The following GPR179 variants were observed in gnomAD, a reference collection of about 807,000 sequenced individuals.
GPR179 encodes the protein G protein-coupled receptor 179.
Under a neutral mutation model 70.8 loss-of-function variants are expected in GPR179, and 52 were observed. The ratio of observed to expected loss-of-function variants is 0.73; its 90% confidence interval spans 0.59 to 0.93. The LOEUF is 0.93. GPR179 is among the 40% of genes least tolerant of loss of function. The pLI is 0.00. For missense variants in GPR179, 2,734 were observed against 2,966.8 expected (o/e 0.92, Z 1.82); for synonymous variants, 1,123 against 1,169.0 (o/e 0.96, Z 0.80).
intron 10 of GPR179, among the ~76,000 whole-genome samples, chr17:38,332,535 C>T (rs1157825555): frequency 6.6e-6 from 1 of 152,202 alleles, no homozygotes; most frequent in African/African-American, 2.4e-5. Context: ...CCTGAACTAC[C>T]CAGCCCCACA....
At position 38,328,262 on chromosome 17, in the gene GPR179, T is replaced by C. The variant is rs753822657; in HGVS notation, c.5307A>G (p.Pro1769=). The C allele has an allele frequency of 7.4e-6, 12 of 1,613,798 alleles. No individual in the cohort carries two copies. The highest frequency in any genetic ancestry group is 9.3e-6 in the Non-Finnish European group (11 of 1,180,036). Residue 1769 remains proline, a synonymous_variant, in exon 11 of 11, where the codon CCA becomes CCG. Coordinates refer to ENST00000616987, the MANE Select transcript of GPR179 (RefSeq NM_001004334.4). Reference sequence around the variant, plus strand: ...TACCTGGATGCTGAGAACAGGCCCCTGGACCCACACTCCCCCAGGGACAAG... The same window carrying C: ...TACCTGGATGCTGAGAACAGGCCCCCGGACCCACACTCCCCCAGGGACAAG... The part of the protein sequence containing the change: ...EVACPWGSVG[P]GACSQHPGTL...
chr17:38,327,652 C>G lies in GPR179; in HGVS notation c.5917G>C (p.Asp1973His), dbSNP rs1196659819. Residue 1973 changes from aspartate to histidine, a missense_variant, in exon 11 of 11, where the codon GAC becomes CAC. Asp to His is a moderately conservative substitution (Grantham distance 81, BLOSUM62 -1). Transcript: ENST00000616987. Reference protein sequence around the residue: ...TAPADSVSHLDRQRPDQPKAS... With the variant: ...TAPADSVSHLHRQRPDQPKAS... ...TTAGGTTGGTCAGGGCGCTGTCTGT[C>G]TAGGTGAGAGACGGAATCTGCTGGG... 6.2e-7 allele frequency: 1 copy of G among 1,614,218 alleles called. No homozygotes were observed. The highest frequency in any genetic ancestry group is 8.5e-7 in the Non-Finnish European group (1 of 1,180,040).
At position 38,334,645 on chromosome 17, in the gene GPR179, G is replaced by A; in HGVS notation, c.1784+59C>T. The A allele has an allele frequency of 6.4e-7, 1 of 1,572,806 alleles. No individual in the cohort carries two copies. Among genetic ancestry groups the A allele is most frequent in the Non-Finnish European group, 8.7e-7 (1 of 1,146,112 alleles). On this transcript the variant is annotated intron_variant, in intron 8 of 10. Transcript: ENST00000616987. The surrounding 1 kb of genome is among the most constrained non-coding windows in gnomAD (Gnocchi z 4.7). ...CATGGGATGGGGGCACCTCACCTGG[G>A]AGAGGTGAGGAGTACTGTTAGAGTG...
At position 38,331,516 on chromosome 17, in the gene GPR179, G is replaced by A; in HGVS notation, c.2053C>T (p.Leu685Phe). The stretch of plus-strand genomic sequence containing the variant: ...TTGTGGACCTCTAGCTGGGCATAGA[G>A]CTTCTTCAGCTCGTCCTGTGGGGCA... ...PGDIRDELKK[L>F]YAQLEVHKTK... Residue 685 changes from leucine (L) to phenylalanine (F), a missense_variant, in exon 11 of 11, where the codon CTC (leucine) becomes TTC (phenylalanine). Transcript: ENST00000616987. 1 of 1,606,306 alleles carries A rather than the reference G, an allele frequency of 6.2e-7. No homozygotes were observed.
Position 38,339,438 on chromosome 17 carries a change from C to G in GPR179, c.882G>C (p.Leu294=), listed in dbSNP as rs1217838411. The G allele has an allele frequency of 1.2e-6, 2 of 1,612,560 alleles. No homozygotes were observed. Among genetic ancestry groups the G allele is most frequent in the African/African-American group, 2.7e-5 (2 of 74,840 alleles). ...SGPGWYSNTH[L]CDLNSTQCVP... ...TTACCTGGGTGCTGTTGAGATCACACAGGTGTGTGTTAGAGTACCAGCCTG... is the reference window on the plus strand; with the variant it reads ...TTACCTGGGTGCTGTTGAGATCACAGAGGTGTGTGTTAGAGTACCAGCCTG... Residue 294 remains leucine, a synonymous_variant, in exon 2 of 11, where the codon CTG becomes CTC. Transcript: ENST00000616987.
Position 38,327,536 on chromosome 17 carries a change from G to C in GPR179, c.6033C>G (p.Asp2011Glu). ...DVPDAGVYKS[D>E]SSAKAETCPW... The stretch of plus-strand genomic sequence containing the variant: ...GACAGGTCTCAGCCTTGGCACTGCT[G>C]TCAGATTTATACACACCTGCATCAG... Residue 2011 changes from aspartate (D) to glutamate (E), a missense_variant, in exon 11 of 11, where the codon GAC (aspartate) becomes GAG (glutamate). Physicochemically the swap from Asp to Glu is conservative, Grantham distance 45. Transcript: ENST00000616987. The C allele has an allele frequency of 6.2e-7, 1 of 1,614,018 alleles. No homozygotes were observed. The highest frequency in any genetic ancestry group is 8.5e-7 in the Non-Finnish European group (1 of 1,179,996).
Position 38,333,961 on chromosome 17 carries a change from G to T in GPR179, c.1862C>A (p.Thr621Asn). Residue 621 changes from threonine to asparagine, a missense_variant, in exon 9 of 11, where the codon ACC becomes AAC. Thr to Asn is a moderately conservative substitution (Grantham distance 65). Transcript: ENST00000616987. ...FFFHTHSTVT[T>N]TLALIFIPKF... ...AGGGATGAAGATCAGAGCCAGCGTG[G>T]TGGTGACTGTGCTGTGGGTGTGGAA... 3.7e-6 allele frequency: 6 copies of T among 1,613,828 alleles called. No homozygotes were observed. Among genetic ancestry groups the T allele is most frequent in the Non-Finnish European group, 5.1e-6 (6 of 1,179,864 alleles).
At position 38,326,732 on chromosome 17, in the gene GPR179, G is replaced by C. The variant is rs1267157659; in HGVS notation, c.6837C>G (p.Val2279=). 6.2e-7 allele frequency: 1 copy of C among 1,614,102 alleles called. No homozygotes were observed. Among genetic ancestry groups the C allele is most frequent in the Non-Finnish European group, 8.5e-7 (1 of 1,180,042 alleles). Reference sequence around the variant, plus strand: ...GAAAGAAGTGATCCAGAGGCCCATGGACTAAAAGGCATAGTGGTTTTTCAG... The same window carrying C: ...GAAAGAAGTGATCCAGAGGCCCATGCACTAAAAGGCATAGTGGTTTTTCAG... ...TAPEKPLCLL[V]HGPLDHFFPE... The change falls in exon 11 of 11, where the codon GTC becomes GTG. Residue 2279 remains valine, a synonymous_variant. Transcript: ENST00000616987.
At position 38,334,570 on chromosome 17, in the gene GPR179, A is replaced by AG; in HGVS notation, c.1784+133dup. On this transcript the variant is annotated intron_variant, in intron 8 of 10. Coordinates refer to ENST00000616987, the MANE Select transcript of GPR179 (RefSeq NM_001004334.4). This position sits in a 1 kb window ranked among gnomAD's most constrained non-coding sequence, Gnocchi z 4.7. ...TCTGGGGGGTAGGGAGAGAGCCAGA[A>AG]GTGGGGGCCTTCGTCAACGTGCTGA... is the stretch of plus-strand genomic sequence containing the variant. 1 of 859,002 alleles carries AG rather than the reference A, an allele frequency of 1.2e-6. No homozygotes were observed. The highest frequency in any genetic ancestry group is 1.6e-5 in the South Asian group (1 of 62,364). The allele number at this position is 859,002 out of a possible 1,614,324, so 53.2% of individuals were successfully genotyped here.
At chr17:38,337,990 G>A (rs1737010229) in intron 2 of GPR179, among the ~76,000 whole-genome samples, 1 of 152,260 alleles carries the variant, frequency 6.6e-6, no homozygotes. Flanking sequence ...GGCAGTGACA[G>A]GAGCCTCATA....
At position 38,329,661 on chromosome 17, in the gene GPR179, A is replaced by T; in HGVS notation, c.3908T>A (p.Val1303Asp). 6.2e-7 allele frequency: 1 copy of T among 1,614,012 alleles called. No individual in the cohort carries two copies. The highest frequency in any genetic ancestry group is 8.5e-7 in the Non-Finnish European group (1 of 1,180,008). The change falls in exon 11 of 11, where the codon GTT (valine) becomes GAT (aspartate). Residue 1303 changes from valine to aspartate, a missense_variant. Transcript: ENST00000616987. Reference protein sequence around the residue: ...ARGKSEPIDVVPMMRKKPERL... With the variant: ...ARGKSEPIDVDPMMRKKPERL... ...CTCTGGCTTTTTCCGCATCATGGGA[A>T]CCACATCTATGGGCTCTGATTTTCC...
In GPR179 at chr17:38,329,781, T is replaced by G; in HGVS notation, c.3788A>C (p.Glu1263Ala). The G allele has an allele frequency of 6.2e-7, 1 of 1,614,206 alleles. No homozygotes were observed. Among genetic ancestry groups the G allele is most frequent in the African/African-American group, 1.3e-5 (1 of 75,042 alleles). Residue 1263 changes from glutamate to alanine, a missense_variant, in exon 11 of 11, where the codon GAA (glutamate) becomes GCA (alanine). Glu to Ala is a moderately radical substitution (Grantham distance 107). Transcript: ENST00000616987. ...TRQPDSGNKA[E>A]ICPWETSEGA... ...TTCACTCGTCTCCCAGGGGCAGATT[T>G]CGGCCTTGTTGCCACTGTCTGGCTG...
At position 38,330,640 on chromosome 17, in the gene GPR179, C is replaced by A; in HGVS notation, c.2929G>T (p.Ala977Ser). The change falls in exon 11 of 11, where the codon GCA becomes TCA. Residue 977 changes from alanine (A) to serine (S), a missense_variant. Coordinates refer to ENST00000616987, the MANE Select transcript of GPR179 (RefSeq NM_001004334.4). ...CTTTGTGGGGATACTGGGACTGGTGCCAGGGCAGGGGCTGGGGTTGGAGCT... is the reference window on the plus strand; with the variant it reads ...CTTTGTGGGGATACTGGGACTGGTGACAGGGCAGGGGCTGGGGTTGGAGCT... Reference protein sequence around the residue: ...ALAPTPAPALAPVPVSPQSPN... With the variant: ...ALAPTPAPALSPVPVSPQSPN... 1 of 1,591,042 alleles carries A rather than the reference C, an allele frequency of 6.3e-7. No individual in the cohort carries two copies. Among genetic ancestry groups the A allele is most frequent in the South Asian group, 1.1e-5 (1 of 87,570 alleles).
chr17:38,327,171 C>G lies in GPR179; in HGVS notation c.6398G>C (p.Trp2133Ser), dbSNP rs1442144971. 2.5e-6 allele frequency: 4 copies of G among 1,614,138 alleles called. No individual in the cohort carries two copies. The highest frequency in any genetic ancestry group is 1.3e-5 in the African/African-American group (1 of 74,956). Reference sequence around the variant, plus strand: ...CTCTGCTGCTCCTCCACCCGCCTCCCAAGGGCAGATCTCTGCTTTCTTGGC... The same window carrying G: ...CTCTGCTGCTCCTCCACCCGCCTCCGAAGGGCAGATCTCTGCTTTCTTGGC... ...PSAKKAEICPWEAGGGAAEEG... is the reference protein window; with the variant it reads ...PSAKKAEICPSEAGGGAAEEG... The change falls in exon 11 of 11, where the codon TGG becomes TCG. Residue 2133 changes from tryptophan (W) to serine (S), a missense_variant. Physicochemically the swap from Trp to Ser is radical, Grantham distance 177. Coordinates refer to ENST00000616987, the MANE Select transcript of GPR179 (RefSeq NM_001004334.4).
chr17:38,336,891 T>C, intron 4 of GPR179, 87 bp downstream of exon 4: 1 of 1,345,706 alleles, frequency 7.4e-7, no homozygotes, highest in Non-Finnish European at 1.0e-6. Context: ...TAGAACCAAT[T>C]TCTCCTAAAT....
At position 38,331,445 on chromosome 17, in the gene GPR179, T is replaced by G; in HGVS notation, c.2124A>C (p.Arg708=). Residue 708 remains arginine (R), a synonymous_variant, in exon 11 of 11, where the codon CGA becomes CGC. Transcript: ENST00000616987. ...AANNPHLPKK[R]GSSCQGLGRS... is the part of the protein sequence containing the mutation. The stretch of plus-strand genomic sequence containing the variant: ...GGCCCAGTCCCTGGCATGAGCTGCC[T>G]CGCTTCTTGGGCAGGTGGGGGTTGT... 1 of 1,614,182 alleles carries G rather than the reference T, an allele frequency of 6.2e-7. No individual in the cohort carries two copies. Among genetic ancestry groups the G allele is most frequent in the Non-Finnish European group, 8.5e-7 (1 of 1,180,004 alleles).
In GPR179 at chr17:38,334,824, C is replaced by T. The variant is rs371870031; in HGVS notation, c.1664G>A (p.Cys555Tyr). 1 of 1,612,476 alleles carries T rather than the reference C, an allele frequency of 6.2e-7. No homozygotes were observed. The highest frequency in any genetic ancestry group is 8.5e-7 in the Non-Finnish European group (1 of 1,179,892). The part of the protein sequence containing the change: ...IMVVAELLLL[C>Y]WGSFLCYATR... ...GGCGTAGCAGAGGAAGCTGCCCCAGCACAGCAGCAGCAGCTCAGCTGTGGG... is the reference window on the plus strand; with the variant it reads ...GGCGTAGCAGAGGAAGCTGCCCCAGTACAGCAGCAGCAGCTCAGCTGTGGG... Residue 555 changes from cysteine (C) to tyrosine (Y), a missense_variant, in exon 8 of 11, where the codon TGC becomes TAC. By Grantham distance (194) the Cys-to-Tyr change is radical (BLOSUM62 -2). Transcript: ENST00000616987. The surrounding 1 kb of genome is among the most constrained non-coding windows in gnomAD (Gnocchi z 4.7).
intron 3 of GPR179, 128 bp from the exon 4 acceptor site, chr17:38,337,341 G>C: frequency 3.0e-6 from 4 of 1,317,086 alleles, no homozygotes; most frequent in Non-Finnish European, 4.1e-6. Flanking sequence ...AGGGACAAGT[G>C]GGAATGGGTG....
At position 38,343,348 on chromosome 17, in the gene GPR179, A is replaced by C; in HGVS notation, c.442T>G (p.Leu148Val). Residue 148 changes from leucine to valine, a missense_variant, in exon 1 of 11, where the codon TTG becomes GTG. Physicochemically the swap from Leu to Val is conservative, Grantham distance 32 (BLOSUM62 1). Transcript: ENST00000616987. This position sits in a 1 kb window ranked among gnomAD's most constrained non-coding sequence, Gnocchi z 4.2. ...CCTGGTGGAGGGTTAAAGGTCAGCA[A>C]AGCCCTGTACACTCTTGGGTCCCCC... Reference protein sequence around the residue: ...AEGDPRVYRALLTFNPPPGAS... With the variant: ...AEGDPRVYRAVLTFNPPPGAS... The C allele has an allele frequency of 6.2e-7, 1 of 1,614,132 alleles. No homozygotes were observed. The highest frequency in any genetic ancestry group is 8.5e-7 in the Non-Finnish European group (1 of 1,180,014).
Sources: allele counts gnomAD v4.1 joint callset (sites outside exome capture counted in the v4.1 genomes callset), GRCh38; gene constraint gnomAD v4.1.1; non-coding constraint Gnocchi (gnomAD v3.1); transcripts MANE v1.5; gene names NCBI Gene and HGNC (gene_info 2026-07-23, HGNC 2026-07-21).